The following XKR6 variants were observed in gnomAD, a reference collection of about 807,000 sequenced individuals.
The protein encoded by XKR6 is XK related 6.
Under a neutral mutation model 56.7 loss-of-function variants are expected in XKR6, and 22 were observed. The ratio of observed to expected loss-of-function variants is 0.39; its 90% confidence interval spans 0.28 to 0.55. The LOEUF is 0.55. XKR6 is among the 20% of genes least tolerant of loss of function. The pLI is 0.66. For synonymous variants in XKR6, 524 were observed against 387.8 expected (o/e 1.35, Z -4.13); for missense variants, 852 against 889.0 (o/e 0.96, Z 0.53).
chr8:11,017,093 T>C (rs962954109), intron 1 of XKR6, among the ~76,000 whole-genome samples: 12 of 152,162 alleles, frequency 7.9e-5, no homozygotes, highest in Admixed American at 2.0e-4. Context: ...ATGTGGATGA[T>C]AGATGGTTGG....
chr8:11,156,957 C>T (rs1480989834), intron 1 of XKR6, among the ~76,000 whole-genome samples: 5 of 152,156 alleles, frequency 3.3e-5, no homozygotes. Context: ...ACCTGGCAAA[C>T]AGGATTTTAA....
At chr8:11,051,844 A>C (rs191217579) in intron 1 of XKR6, among the ~76,000 whole-genome samples, 78 of 152,228 alleles carry the variant, frequency 5.1e-4, no homozygotes, top group African/African-American at 1.6e-3. Context: ...ACAAAAAAAA[A>C]CCCAAACAAA....
In XKR6 at chr8:10,896,378, C is replaced by G. The variant is rs1300283798; in HGVS notation, c.*1574G>C. The G allele has an allele frequency of 6.6e-6, 1 of 152,556 alleles. No homozygotes were observed. The highest frequency in any genetic ancestry group is 2.1e-4 in the South Asian group (1 of 4,836). 9.5% of individuals were successfully genotyped at this position (152,556 alleles called of 1,614,324 possible). ...CAGTCCGCTGCTGGTGTGAGTCTTG[C>G]CACCCAAACCAGGGCTCGTGGGCAG... On this transcript the variant is annotated 3_prime_UTR_variant, in exon 3 of 3. Coordinates refer to ENST00000416569, the MANE Select transcript of XKR6 (RefSeq NM_173683.4).
chr8:10,964,363 G>A lies in XKR6; in HGVS notation c.765-39533C>T, dbSNP rs561879781. On this transcript the variant is annotated intron_variant, in intron 1 of 2. Coordinates refer to ENST00000416569, the MANE Select transcript of XKR6 (RefSeq NM_173683.4). ...TTGAACCCCTCGGGGCTGTCCTGAT[G>A]ACATGGAGCCTTCTTTGGGCTGGAG... Among the ~76,000 whole-genome samples, 6 of 152,326 alleles carry A rather than the reference G, an allele frequency of 3.9e-5. No individual in the cohort carries two copies. In the South Asian group the frequency reaches 1.2e-3, roughly 32 times the overall value.
rs373616482 is a variant in XKR6 at position 10,941,337 on chromosome 8, A to G, written c.765-16507T>C. ...ACCACATAAAGTGATACCGCTTAGG[A>G]GCACTCAGCACTTGCAAGGCCTCCT... On this transcript the variant is annotated intron_variant, in intron 1 of 2. Transcript: ENST00000416569. Among the ~76,000 whole-genome samples, 36 of 152,276 alleles carry G rather than the reference A, an allele frequency of 2.4e-4. 1 individual carries two copies. The East Asian group carries it at 5.8e-3, about 25-fold the overall frequency.
chr8:11,158,636 AAAAC>A (rs1801641453), intron 1 of XKR6, among the ~76,000 whole-genome samples: 1 of 152,230 alleles, frequency 6.6e-6, no homozygotes, highest in Non-Finnish European at 1.5e-5. Context: ...CAATAGCAAA[AAAAC>A]AAAACAAAAC....
chr8:10,971,093 T>C (rs1802395369), intron 1 of XKR6, among the ~76,000 whole-genome samples: 1 of 151,424 alleles, frequency 6.6e-6, no homozygotes, highest in Non-Finnish European at 1.5e-5. Flanking sequence ...AAAAATTCTG[T>C]ATTCTTTTCA....
intron 1 of XKR6, among the ~76,000 whole-genome samples, chr8:11,160,647 C>T (rs780090568): frequency 2.6e-5 from 4 of 152,050 alleles, no homozygotes; most frequent in Admixed American, 6.6e-5. Flanking sequence ...TGGTGGCTCA[C>T]GCCTGTAAAC....
At chr8:11,106,390 T>C (rs907501074) in intron 1 of XKR6, 1 of 152,268 alleles carries the variant, frequency 6.6e-6, no homozygotes, top group Non-Finnish European at 1.5e-5. Flanking sequence ...GAGGCCGGTA[T>C]CGGGTCTTCC....
chr8:11,026,386 C>T lies in XKR6; in HGVS notation c.765-101556G>A, dbSNP rs374344139. ...CACCTAAATGGTCTGGCCTACTACACACTTAGATGGTCTAGCCTACTACAC... is the reference window on the plus strand; with the variant it reads ...CACCTAAATGGTCTGGCCTACTACATACTTAGATGGTCTAGCCTACTACAC... On this transcript the variant is annotated intron_variant, in intron 1 of 2. Coordinates refer to ENST00000416569, the MANE Select transcript of XKR6 (RefSeq NM_173683.4). 5.9e-5 allele frequency among the ~76,000 whole-genome samples: 9 copies of T among 151,402 alleles called. No homozygotes were observed. The East Asian group carries it at 1.4e-3, about 23-fold the overall frequency.
Position 11,103,953 on chromosome 8 carries a change from C to T in XKR6, c.764+96623G>A, listed in dbSNP as rs1043461394. ...TTTAAAAGCCATTGCTGACAGCTGT[C>T]GTACCCTTGGGAGGAGATGCGGAGT... On this transcript the variant is annotated intron_variant, in intron 1 of 2. Coordinates refer to ENST00000416569, the MANE Select transcript of XKR6 (RefSeq NM_173683.4). 2.0e-5 allele frequency among the ~76,000 whole-genome samples: 3 copies of T among 152,198 alleles called. No homozygotes were observed. The East Asian group carries it at 5.8e-4, about 29-fold the overall frequency.
intron 2 of XKR6, among the ~76,000 whole-genome samples, chr8:10,923,123 G>T (rs541481568): frequency 1.5e-4 from 23 of 152,358 alleles, no homozygotes; most frequent in Non-Finnish European, 2.9e-4. Context: ...GCTTCTGTGG[G>T]TGCCCAGAAA....
chr8:11,087,994 A>C (rs941351050), intron 1 of XKR6, among the ~76,000 whole-genome samples: 1 of 152,232 alleles, frequency 6.6e-6, no homozygotes. Flanking sequence ...TGTTGAAAAC[A>C]TAAAGTATTG....
chr8:11,059,612 G>T (rs1317999057), intron 1 of XKR6, among the ~76,000 whole-genome samples: 2 of 151,460 alleles, frequency 1.3e-5, no homozygotes, highest in African/African-American at 4.8e-5. Flanking sequence ...GGAGCAGGGC[G>T]CTGGGGGCGC....
intron 1 of XKR6, among the ~76,000 whole-genome samples, chr8:10,976,333 G>A (rs956310317): frequency 1.3e-5 from 2 of 152,116 alleles, no homozygotes; most frequent in Non-Finnish European, 2.9e-5. Flanking sequence ...CCCTGCCATG[G>A]GCATCTGACC....
intron 1 of XKR6, among the ~76,000 whole-genome samples, chr8:10,994,573 C>T (rs932671641): frequency 6.6e-6 from 1 of 152,208 alleles, no homozygotes; most frequent in Non-Finnish European, 1.5e-5. Context: ...GAACCAGAGT[C>T]CATGATCAGA....
chr8:10,949,336 C>T (rs1000722439), intron 1 of XKR6, among the ~76,000 whole-genome samples: 3 of 152,268 alleles, frequency 2.0e-5, no homozygotes, highest in African/African-American at 7.2e-5. Context: ...CTTGGTGACC[C>T]AGCATGGGCC....
intron 1 of XKR6, among the ~76,000 whole-genome samples, chr8:10,996,781 G>A (rs1175397220): frequency 6.6e-6 from 1 of 152,102 alleles, no homozygotes; most frequent in East Asian, 1.9e-4. Context: ...GAGGGGCCAA[G>A]GTGGGAGGAT....
intron 1 of XKR6, among the ~76,000 whole-genome samples, chr8:11,099,059 C>G (rs1798368261): frequency 6.6e-6 from 1 of 152,150 alleles, no homozygotes; most frequent in South Asian, 2.1e-4. Context: ...AACGCCCCAC[C>G]AGGTAGGCAC....
Sources: gnomAD v4.1 joint callset for allele counts (sites outside exome capture counted in the v4.1 genomes callset) on GRCh38, gnomAD v4.1.1 for gene constraint, MANE v1.5 for transcripts, NCBI Gene and HGNC (gene_info 2026-07-23, HGNC 2026-07-21) for gene names.